The following NHSL3 variants were observed in gnomAD, a reference collection of about 807,000 sequenced individuals.
NHSL3 encodes NHS-like protein 3.
the NHSL3 span, chr1:32,754,177 G>C: frequency 1.4e-6 from 1 of 711,046 alleles, no homozygotes; most frequent in Non-Finnish European, 2.6e-6. Flanking sequence ...GAAGCGGCCG[G>C]CAGGTAGGGG....
the NHSL3 span, among the ~76,000 whole-genome samples, chr1:32,759,340 TG>T: frequency 6.6e-6 from 1 of 152,214 alleles, no homozygotes; most frequent in Non-Finnish European, 1.5e-5. Context: ...TGTCTGCCTC[TG>T]GCATCCATAA....
chr1:32,763,220 G>C, the NHSL3 span, among the ~76,000 whole-genome samples: 1 of 151,834 alleles, frequency 6.6e-6, no homozygotes, highest in African/African-American at 2.4e-5. Context: ...CTGACCTCAA[G>C]TGATCCACCT....
At chr1:32,768,552 G>A in the NHSL3 span, 829,604 of 1,437,356 alleles carry the variant, frequency 0.58, 242,105 homozygotes, top group East Asian at 0.78. Context: ...CCAAGATTTC[G>A]CTACTGCACT....
chr1:32,761,218 C>T, the NHSL3 span, among the ~76,000 whole-genome samples: 4 of 152,150 alleles, frequency 2.6e-5, no homozygotes, highest in African/African-American at 4.8e-5. Context: ...AAGGTCTTTC[C>T]ACTCTCTGGA....
chr1:32,748,238 C>A, the NHSL3 span, among the ~76,000 whole-genome samples: 315 of 152,224 alleles, frequency 2.1e-3, no homozygotes, highest in African/African-American at 7.3e-3. Flanking sequence ...GAGACCACGC[C>A]ACTGTACTCC....
chr1:32,772,613 G>A, the NHSL3 span, among the ~76,000 whole-genome samples: 1 of 151,066 alleles, frequency 6.6e-6, no homozygotes, highest in Non-Finnish European at 1.5e-5. Context: ...GTGTGTGAGT[G>A]TCAGGCCTAC....
the NHSL3 span, among the ~76,000 whole-genome samples, chr1:32,744,891 C>G: frequency 1.3e-5 from 2 of 150,260 alleles, no homozygotes; most frequent in African/African-American, 4.9e-5. Flanking sequence ...TTTGGGAGAC[C>G]GAGGCGGGCA....
the NHSL3 span, chr1:32,753,936 T>G: frequency 6.1e-5 from 16 of 262,776 alleles, no homozygotes; most frequent in Non-Finnish European, 8.2e-5. Context: ...GGCCTGGCCA[T>G]TGGCCGCAGA....
At chr1:32,756,325 G>C in the NHSL3 span, among the ~76,000 whole-genome samples, 3 of 152,068 alleles carry the variant, frequency 2.0e-5, no homozygotes, top group East Asian at 5.8e-4. Context: ...ATTTGTTTCA[G>C]CTGTGGGGTA....
At chr1:32,742,162 G>A in the NHSL3 span, 10 of 1,247,714 alleles carry the variant, frequency 8.0e-6, no homozygotes, top group African/African-American at 1.2e-4. Flanking sequence ...GGAGGACAAG[G>A]CCAAGAGGGC....
chr1:32,745,536 C>G, the NHSL3 span, among the ~76,000 whole-genome samples: 1 of 132,914 alleles, frequency 7.5e-6, no homozygotes, highest in Admixed American at 8.8e-5. Context: ...CCAGCCTGGG[C>G]GACAGAGCGA....
the NHSL3 span, chr1:32,765,970 G>A: frequency 1.2e-6 from 1 of 817,832 alleles, no homozygotes; most frequent in East Asian, 2.7e-5. Context: ...TCTCCCATCC[G>A]GCTGTGCTTT....
the NHSL3 span, chr1:32,771,885 AC>A: frequency 6.3e-7 from 1 of 1,591,788 alleles, no homozygotes; most frequent in Non-Finnish European, 8.6e-7. Context: ...CCACCCCAGC[AC>A]TGGGGCCATC....
the NHSL3 span, among the ~76,000 whole-genome samples, chr1:32,747,768 G>GC: frequency 6.6e-6 from 1 of 151,830 alleles, no homozygotes; most frequent in Non-Finnish European, 1.5e-5. Context: ...TTCAAAACCA[G>GC]CCTGGCCAAC....
At chr1:32,760,402 A>G in the NHSL3 span, among the ~76,000 whole-genome samples, 1 of 152,194 alleles carries the variant, frequency 6.6e-6, no homozygotes, top group South Asian at 2.1e-4. Context: ...CTTGGGAGGC[A>G]GTGGCTCCCT....
chr1:32,768,069 G>C, the NHSL3 span: 1 of 1,614,096 alleles, frequency 6.2e-7, no homozygotes, highest in Non-Finnish European at 8.5e-7. Context: ...CAGAGAAACA[G>C]AAACTGAACA....
At chr1:32,771,567 T>C in the NHSL3 span, 1 of 1,610,160 alleles carries the variant, frequency 6.2e-7, no homozygotes, top group Non-Finnish European at 8.5e-7. Flanking sequence ...CTTTTTTCTC[T>C]GTGGCCAGCC....
the NHSL3 span, among the ~76,000 whole-genome samples, chr1:32,750,537 C>T: frequency 1.1e-4 from 17 of 152,238 alleles, no homozygotes; most frequent in South Asian, 2.1e-4. Flanking sequence ...GACAGAGTTT[C>T]GCTCTTGTTT....
the NHSL3 span, chr1:32,771,835 A>G: frequency 6.2e-7 from 1 of 1,610,416 alleles, no homozygotes; most frequent in Non-Finnish European, 8.5e-7. Context: ...GCTCCTGCAG[A>G]TGGTGCGGCT....
Sources: gnomAD v4.1 joint callset for allele counts (sites outside exome capture counted in the v4.1 genomes callset) on GRCh38, gnomAD v4.1.1 for gene constraint, MANE v1.5 for transcripts, NCBI Gene and HGNC (gene_info 2026-07-23, HGNC 2026-07-21) for gene names.